The following ZNF660 variants were observed in gnomAD, a reference collection of about 807,000 sequenced individuals.
ZNF660 encodes the protein zinc finger protein 660.
ZNF660 carries 24 observed loss-of-function variants against 23.2 expected under a neutral mutation model. That is an observed-to-expected ratio of 1.04 (90% CI 0.75 to 1.46). ZNF660 has a LOEUF of 1.46. Among genes scored for constraint, ZNF660 ranks in the 40% most tolerant of loss-of-function variants. The pLI, the probability that ZNF660 is intolerant of heterozygous loss-of-function variation, is 0.00. For missense variants in ZNF660, 373 were observed against 396.8 expected, an observed-to-expected ratio of 0.94 and a Z score of 0.51; for synonymous variants, 117 against 131.4, an observed-to-expected ratio of 0.89 and a Z score of 0.75.
In ZNF660 at chr3:44,599,349, T is replaced by A. The variant is rs1184015038; in HGVS notation, c.*4160T>A. On this transcript the variant is annotated 3_prime_UTR_variant, in exon 3 of 3. Transcript: ENST00000322734. ...TAGAGAGGAAAGTGTCGCCCTGGACTTAGAAATCTTTTTTCATAGATGGTG... is the reference window on the plus strand; with the variant it reads ...TAGAGAGGAAAGTGTCGCCCTGGACATAGAAATCTTTTTTCATAGATGGTG... The A allele has an allele frequency of 6.6e-6, 1 of 152,180 alleles. No individual in the cohort carries two copies. Among genetic ancestry groups the A allele is most frequent in the Non-Finnish European group, 1.5e-5 (1 of 68,036 alleles). 9.4% of individuals were successfully genotyped at this position (152,180 alleles called of 1,614,324 possible).
rs1333274595 is a variant in ZNF660 at position 44,594,233 on chromosome 3, A to G, written c.40A>G (p.Lys14Glu). ...AAGAAATTTCAAACATAAGACAGTTAAAGACAATAAAGTACTCACAGAAGG... is the reference window on the plus strand; with the variant it reads ...AAGAAATTTCAAACATAAGACAGTTGAAGACAATAAAGTACTCACAGAAGG... Reference protein sequence around the residue: ...KTRNFKHKTVKDNKVLTEGSD... With the variant: ...KTRNFKHKTVEDNKVLTEGSD... The change falls in exon 3 of 3, where the codon AAA becomes GAA. Residue 14 changes from lysine to glutamate, a missense_variant. Physicochemically the swap from Lys to Glu is moderately conservative, Grantham distance 56. Coordinates refer to ENST00000322734, the MANE Select transcript of ZNF660 (RefSeq NM_173658.4). 1.2e-6 allele frequency: 2 copies of G among 1,613,968 alleles called. No individual in the cohort carries two copies. Among genetic ancestry groups the G allele is most frequent in the Admixed American group, 3.3e-5 (2 of 60,012 alleles).
At chr3:44,590,370 A>G (rs1700375456) in intron 2 of ZNF660, among the ~76,000 whole-genome samples, 1 of 152,094 alleles carries the variant, frequency 6.6e-6, no homozygotes, top group Non-Finnish European at 1.5e-5. Context: ...TCTTCTTACT[A>G]TGTATTCTCA....
intron 2 of ZNF660, among the ~76,000 whole-genome samples, chr3:44,590,154 C>CT (rs920693305): frequency 5.9e-5 from 9 of 151,878 alleles, no homozygotes; most frequent in Non-Finnish European, 1.3e-4. Context: ...TTCCATACTA[C>CT]TCCATTGTAA....
rs1700567961 is a variant in ZNF660, at chr3:44,595,066, A to T, written c.873A>T (p.Leu291=). ...KTFRQTSQVI[L]HLRTHTKEKP... The stretch of plus-strand genomic sequence containing the variant: ...TCAGGCAGACTTCTCAAGTTATTCT[A>T]CACTTGAGAACCCACACTAAGGAGA... The change falls in exon 3 of 3, where the codon CTA becomes CTT. Residue 291 remains leucine, a synonymous_variant. Transcript: ENST00000322734. The T allele has an allele frequency of 6.2e-7, 1 of 1,613,804 alleles. No homozygotes were observed. The highest frequency in any genetic ancestry group is 1.1e-5 in the South Asian group (1 of 91,074).
intron 2 of ZNF660, chr3:44,587,281 A>G (rs1376089713): frequency 6.6e-6 from 1 of 151,966 alleles, no homozygotes; most frequent in Non-Finnish European, 1.5e-5. Flanking sequence ...TCTCAATAGG[A>G]TTCTACCCTT....
rs1053577244 is a variant in ZNF660, at chr3:44,599,552, A to G, written c.*4363A>G. The G allele has an allele frequency of 5.3e-5, 8 of 152,204 alleles. No individual in the cohort carries two copies. The highest frequency in any genetic ancestry group is 1.7e-4 in the African/African-American group (7 of 41,444). The allele number at this position is 152,204 out of a possible 1,614,324, so 9.4% of individuals were successfully genotyped here. ...GATTGTTTTTTCCATTTAATATAAA[A>G]TTTAAAAGATGCCCATATTGTCAGT... On this transcript the variant is annotated 3_prime_UTR_variant, in exon 3 of 3. Transcript: ENST00000322734.
rs1193187540 is a variant in ZNF660 at position 44,586,116 on chromosome 3, C to T, written c.-278C>T. 6.6e-6 allele frequency: 1 copy of T among 152,094 alleles called. No homozygotes were observed. The highest frequency in any genetic ancestry group is 1.5e-5 in the Non-Finnish European group (1 of 68,026). The allele number at this position is 152,094 out of a possible 1,614,324, so 9.4% of individuals were successfully genotyped here. ...ATATCTGTTTACAGTGACTCAAGAC[C>T]CTCTTAGGAACTTCTTCACTGAACT... is the stretch of plus-strand genomic sequence containing the variant. On this transcript the variant is annotated 5_prime_UTR_variant, in exon 2 of 3. Coordinates refer to ENST00000322734, the MANE Select transcript of ZNF660 (RefSeq NM_173658.4).
chr3:44,591,553 G>A (rs1284331200), intron 2 of ZNF660, among the ~76,000 whole-genome samples: 1 of 152,212 alleles, frequency 6.6e-6, no homozygotes, highest in Non-Finnish European at 1.5e-5. Flanking sequence ...AATTTTGTGT[G>A]TATAAAGAGA....
At chr3:44,588,364 A>C (rs757005709) in intron 2 of ZNF660, among the ~76,000 whole-genome samples, 13 of 152,008 alleles carry the variant, frequency 8.6e-5, no homozygotes, top group Non-Finnish European at 1.9e-4. Context: ...ATTCATGAGA[A>C]ATCTACCCCC....
intron 1 of ZNF660, among the ~76,000 whole-genome samples, chr3:44,585,847 A>G (rs1700212758): frequency 6.6e-6 from 1 of 152,110 alleles, no homozygotes; most frequent in Admixed American, 6.5e-5. Context: ...GGAGCAGGTG[A>G]AAAGGGGAGG....
intron 2 of ZNF660, among the ~76,000 whole-genome samples, chr3:44,590,295 AGATCCATGTGCCTCGCCATTTT>A (rs771300859): frequency 1.1e-4 from 16 of 152,118 alleles, no homozygotes; most frequent in Non-Finnish European, 1.8e-4. Flanking sequence ...TAGAAGTGTG[AGATCCATGTGCCTCGCCATTTT>A]GGTTTCTGGT....
rs1453569408 is a variant in ZNF660, at chr3:44,594,038, A to G, written c.-156A>G. On this transcript the variant is annotated 5_prime_UTR_variant, in exon 3 of 3. Coordinates refer to ENST00000322734, the MANE Select transcript of ZNF660 (RefSeq NM_173658.4). Reference sequence around the variant, plus strand: ...GATGGTGAAACTGGGACTGAGGAGGAGTTAATTCCAAAGCATCATTCCTGA... The same window carrying G: ...GATGGTGAAACTGGGACTGAGGAGGGGTTAATTCCAAAGCATCATTCCTGA... 2.2e-6 allele frequency: 2 copies of G among 893,538 alleles called. No individual in the cohort carries two copies. The highest frequency in any genetic ancestry group is 2.8e-5 in the South Asian group (2 of 70,454). The allele number at this position is 893,538 out of a possible 1,614,324, so 55.4% of individuals were successfully genotyped here.
chr3:44,593,037 AGTGAGACT>A (rs1700483947), intron 2 of ZNF660, among the ~76,000 whole-genome samples: 2 of 151,226 alleles, frequency 1.3e-5, no homozygotes, highest in African/African-American at 4.9e-5. Flanking sequence ...TGGGCGACAG[AGTGAGACT>A]CCGTCTCAGA....
chr3:44,591,526 T>C (rs1416755829), intron 2 of ZNF660, among the ~76,000 whole-genome samples: 2 of 152,216 alleles, frequency 1.3e-5, no homozygotes, highest in African/African-American at 4.8e-5. Context: ...CCTAGGAATA[T>C]ATTTTAATAG....
chr3:44,594,522 A>C lies in ZNF660; in HGVS notation c.329A>C (p.Glu110Ala). The C allele has an allele frequency of 6.2e-7, 1 of 1,614,210 alleles. No homozygotes were observed. The highest frequency in any genetic ancestry group is 8.5e-7 in the Non-Finnish European group (1 of 1,180,042). ...GGACTGAAGCCCTATACATGCAGTG[A>C]ATGTGGGAAATCTTTCAGTGGAAAG... ...HTGLKPYTCS[E>A]CGKSFSGKSH... The change falls in exon 3 of 3, where the codon GAA becomes GCA. Residue 110 changes from glutamate to alanine, a missense_variant. Glu to Ala is a moderately radical substitution (Grantham distance 107, BLOSUM62 -1). Coordinates refer to ENST00000322734, the MANE Select transcript of ZNF660 (RefSeq NM_173658.4).
intron 2 of ZNF660, among the ~76,000 whole-genome samples, chr3:44,591,000 C>A (rs530427399): frequency 5.3e-5 from 8 of 152,174 alleles, no homozygotes; most frequent in Non-Finnish European, 1.0e-4. Context: ...AGTGGCCACC[C>A]GCATTTCTGA....
chr3:44,586,320 A>C (rs1225761206), intron 2 of ZNF660, 107 bp downstream of exon 2: 2 of 152,332 alleles, frequency 1.3e-5, no homozygotes, highest in Non-Finnish European at 2.9e-5. Context: ...AGCTTCTCTC[A>C]GTGGTATTTA....
chr3:44,591,433 AAACTTTTTTGAATAGCAACAAGC>A (rs1700422649), intron 2 of ZNF660, among the ~76,000 whole-genome samples: 1 of 152,200 alleles, frequency 6.6e-6, no homozygotes, highest in Non-Finnish European at 1.5e-5. Flanking sequence ...TCAGCCCATC[AAACTTTTTTGAATAGCAACAAGC>A]AATACTGCAC....
rs1282408224 is a variant in ZNF660 at position 44,598,336 on chromosome 3, T to G, written c.*3147T>G. 2.6e-5 allele frequency: 4 copies of G among 151,442 alleles called. No homozygotes were observed. Among genetic ancestry groups the G allele is most frequent in the African/African-American group, 9.7e-5 (4 of 41,158 alleles). 9.4% of individuals were successfully genotyped at this position (151,442 alleles called of 1,614,324 possible). A position where few individuals can be genotyped will look rare whatever the true frequency, so the allele number is the denominator to read the frequency against. ...CTAATTTTTGTATTTTTAATAGAGA[T>G]AGGGTTTCACCATGTTGGCCAGGCT... On this transcript the variant is annotated 3_prime_UTR_variant, in exon 3 of 3. Coordinates refer to ENST00000322734, the MANE Select transcript of ZNF660 (RefSeq NM_173658.4).
Sources: gnomAD v4.1 joint callset for allele counts (sites outside exome capture counted in the v4.1 genomes callset) on GRCh38, gnomAD v4.1.1 for gene constraint, MANE v1.5 for transcripts, NCBI Gene and HGNC (gene_info 2026-07-23, HGNC 2026-07-21) for gene names.